NKAIN3: variants seen among roughly 807,000 people sequenced by gnomAD.
NKAIN3 encodes sodium/potassium transporting ATPase interacting 3, also known as sodium/potassium-transporting ATPase subunit beta-1-interacting protein 3.
Under a neutral mutation model 30.2 loss-of-function variants are expected in NKAIN3, and 25 were observed. That is an observed-to-expected ratio of 0.83 (90% confidence interval 0.60 to 1.16). NKAIN3 has a LOEUF of 1.16. NKAIN3 is among the 50% of genes most tolerant of loss of function. NKAIN3 has a pLI of 0.00. For synonymous variants in NKAIN3, 91 were observed against 89.6 expected (o/e 1.02, Z -0.09); for missense variants, 225 against 254.1 (o/e 0.89, Z 0.78).
intron 1 of NKAIN3, among the ~76,000 whole-genome samples, chr8:62,559,909 T>C (rs1176325259): frequency 1.3e-5 from 2 of 152,120 alleles, no homozygotes; most frequent in African/African-American, 2.4e-5. Flanking sequence ...TATTTCTATT[T>C]TGAGAACTCT....
intron 5 of NKAIN3, among the ~76,000 whole-genome samples, chr8:62,943,857 A>C (rs1321970526): frequency 6.6e-6 from 1 of 150,616 alleles, no homozygotes; most frequent in Non-Finnish European, 1.5e-5. Context: ...TAGAGGGAAC[A>C]AAATAACTGG....
intron 4 of NKAIN3, among the ~76,000 whole-genome samples, chr8:62,867,573 G>C (rs1013466378): frequency 2.0e-5 from 3 of 152,122 alleles, no homozygotes; most frequent in African/African-American, 7.2e-5. Flanking sequence ...TATGCAAGAG[G>C]AACCAAAAGC....
At chr8:62,431,771 T>A (rs72651505) in intron 1 of NKAIN3, among the ~76,000 whole-genome samples, 14,589 of 151,324 alleles carry the variant, frequency 0.096, 951 homozygotes, top group Non-Finnish European at 0.13. Flanking sequence ...TTGTTACCAG[T>A]CGGTAGTAAC....
intron 1 of NKAIN3, among the ~76,000 whole-genome samples, chr8:62,309,655 T>C (rs1274788911): frequency 6.7e-6 from 1 of 150,362 alleles, no homozygotes; most frequent in Non-Finnish European, 1.5e-5. Context: ...TTCAGACCCA[T>C]CTAGTGTGTG....
chr8:62,540,292 A>T (rs1808797988), intron 1 of NKAIN3, among the ~76,000 whole-genome samples: 1 of 152,054 alleles, frequency 6.6e-6, no homozygotes. Flanking sequence ...CTTGAAAGAG[A>T]TTTAACATTT....
intron 1 of NKAIN3, among the ~76,000 whole-genome samples, chr8:62,520,674 T>G (rs1403992508): frequency 1.3e-5 from 2 of 152,096 alleles, no homozygotes; most frequent in Non-Finnish European, 2.9e-5. Flanking sequence ...GTTTAATATC[T>G]AAATTAAATA....
chr8:62,608,110 T>C (rs958347789), intron 3 of NKAIN3, among the ~76,000 whole-genome samples: 1 of 152,134 alleles, frequency 6.6e-6, no homozygotes, highest in East Asian at 1.9e-4. Flanking sequence ...CTAAGACATA[T>C]ACTTTCTTTC....
At chr8:62,847,550 A>C (rs1586263081) in intron 4 of NKAIN3, among the ~76,000 whole-genome samples, 2 of 151,196 alleles carry the variant, frequency 1.3e-5, no homozygotes, top group East Asian at 3.9e-4. Context: ...TTCTCTTGTA[A>C]ATTTAAGTTC....
Position 62,970,435 on chromosome 8 carries a change from A to G in NKAIN3, c.*5028A>G, listed in dbSNP as rs1823809224. On this transcript the variant is annotated 3_prime_UTR_variant, in exon 7 of 7. Coordinates refer to ENST00000623646, the MANE Select transcript of NKAIN3 (RefSeq NM_001304533.3). The stretch of plus-strand genomic sequence containing the variant: ...GCTTCTTAAATATTGGTATTTGTAG[A>G]AAAATTTGGTGGCAGGCAAAACTTG... Among the ~76,000 whole-genome samples the G allele has an allele frequency of 6.6e-6, 1 of 152,210 alleles. No individual in the cohort carries two copies. Among genetic ancestry groups the G allele is most frequent in the South Asian group, 2.1e-4 (1 of 4,838 alleles).
intron 4 of NKAIN3, among the ~76,000 whole-genome samples, chr8:62,820,312 G>A (rs1347969134): frequency 6.6e-6 from 1 of 152,112 alleles, no homozygotes; most frequent in Non-Finnish European, 1.5e-5. Context: ...ATAAACAATA[G>A]ACAATGAGGG....
intron 5 of NKAIN3, among the ~76,000 whole-genome samples, chr8:62,926,856 T>C (rs1479182616): frequency 6.6e-6 from 1 of 152,206 alleles, no homozygotes; most frequent in East Asian, 1.9e-4. Context: ...TTTTGTCCCG[T>C]GGCTTTTGTG....
intron 2 of NKAIN3, 59 bp downstream of exon 2, chr8:62,579,735 A>G (rs947323914): frequency 1.0e-6 from 1 of 999,784 alleles, no homozygotes; most frequent in African/African-American, 1.7e-5. Flanking sequence ...CTATAAGAAT[A>G]TAAATAAAAT....
chr8:62,703,093 T>A (rs1407527115), intron 3 of NKAIN3, among the ~76,000 whole-genome samples: 1 of 152,164 alleles, frequency 6.6e-6, no homozygotes, highest in Admixed American at 6.6e-5. Flanking sequence ...TAGCTCATTA[T>A]GGGTGGGGGT....
intron 4 of NKAIN3, among the ~76,000 whole-genome samples, chr8:62,917,121 C>T (rs1159795908): frequency 2.0e-5 from 3 of 152,024 alleles, no homozygotes; most frequent in Non-Finnish European, 4.4e-5. Context: ...AAGATCTCTC[C>T]AGAGGCCTTA....
chr8:62,249,094 C>T lies in NKAIN3; in HGVS notation c.21C>T (p.Arg7=). ...GCACCATGGGCTGCTGCACCGGACGCTGCTCGCTCATCTGCCTCTGCGCGC... is the reference window on the plus strand; with the variant it reads ...GCACCATGGGCTGCTGCACCGGACGTTGCTCGCTCATCTGCCTCTGCGCGC... MGCCTG[R]CSLICLCALQ... is the part of the protein sequence containing the mutation. Residue 7 remains arginine, a synonymous_variant, in exon 1 of 7, where the codon CGC becomes CGT. Coordinates refer to ENST00000623646, the MANE Select transcript of NKAIN3 (RefSeq NM_001304533.3). 6.5e-7 allele frequency: 1 copy of T among 1,539,264 alleles called. No individual in the cohort carries two copies. The highest frequency in any genetic ancestry group is 1.2e-5 in the South Asian group (1 of 83,674).
chr8:62,996,296 A>AG (rs1804111552), intron 5 of NKAIN3, among the ~76,000 whole-genome samples: 1 of 152,142 alleles, frequency 6.6e-6, no homozygotes, highest in Non-Finnish European at 1.5e-5. Flanking sequence ...TGCGCAGGGG[A>AG]AAGCTGCCCC....
intron 1 of NKAIN3, among the ~76,000 whole-genome samples, chr8:62,466,348 A>G (rs1806162870): frequency 6.6e-6 from 1 of 152,098 alleles, no homozygotes; most frequent in African/African-American, 2.4e-5. Flanking sequence ...AAAATATGTG[A>G]TTTACGTTTC....
At chr8:62,475,457 G>A (rs1307352121) in intron 1 of NKAIN3, among the ~76,000 whole-genome samples, 3 of 151,970 alleles carry the variant, frequency 2.0e-5, no homozygotes, top group Non-Finnish European at 4.4e-5. Flanking sequence ...TTTTTCAACA[G>A]CTTCATTAAA....
chr8:62,284,967 G>GA (rs1256752964), intron 1 of NKAIN3, among the ~76,000 whole-genome samples: 3 of 152,098 alleles, frequency 2.0e-5, no homozygotes, highest in Non-Finnish European at 4.4e-5. Flanking sequence ...TCTCTTTAGT[G>GA]AAAAATAGCA....
Sources: gnomAD v4.1 joint callset for allele counts (sites outside exome capture counted in the v4.1 genomes callset) on GRCh38, gnomAD v4.1.1 for gene constraint, MANE v1.5 for transcripts, NCBI Gene and HGNC (gene_info 2026-07-23, HGNC 2026-07-21) for gene names.